The following SREBF2 variants were observed in gnomAD, a reference collection of about 807,000 sequenced individuals.
SREBF2 encodes the protein sterol regulatory element-binding protein 2.
A neutral mutation model predicts 113.1 loss-of-function variants in SREBF2; 55 were observed. The ratio of observed to expected loss-of-function variants is 0.49; its 90% CI spans 0.39 to 0.61. The LOEUF is 0.61. Among genes scored for constraint, SREBF2 ranks in the 20% least tolerant of loss-of-function variants. SREBF2 has a pLI of 0.00. For synonymous variants in SREBF2, 593 were observed against 605.7 expected, an observed-to-expected ratio of 0.98 and a Z score of 0.31; for missense variants, 1,349 against 1,487.4, an observed-to-expected ratio of 0.91 and a Z score of 1.53.
At chr22:41,863,701 G>A (rs1310986079) in intron 1 of SREBF2, among the ~76,000 whole-genome samples, 1 of 152,064 alleles carries the variant, frequency 6.6e-6, no homozygotes, top group African/African-American at 2.4e-5. Context: ...CAAGATGTTG[G>A]TAAATAATAC....
rs573962267 is a variant in SREBF2, at chr22:41,842,831, A to G, written c.88+9473A>G. Among the ~76,000 whole-genome samples, 6 of 152,306 alleles carry G rather than the reference A, an allele frequency of 3.9e-5. 1 individual carries two copies. The South Asian group carries it at 1.2e-3, about 32-fold the overall frequency. On this transcript the variant is annotated intron_variant, in intron 1 of 18. Coordinates refer to ENST00000361204, the MANE Select transcript of SREBF2 (RefSeq NM_004599.4). ...GGTGAAACCCTGTCTCGACTAAAAA[A>G]TACAAAAAATTAGCCGGGCGTGGTG...
At chr22:41,893,619 G>T (rs2077384912) in intron 12 of SREBF2, among the ~76,000 whole-genome samples, 1 of 152,134 alleles carries the variant, frequency 6.6e-6, no homozygotes, top group Non-Finnish European at 1.5e-5. Flanking sequence ...GCACTTTGGA[G>T]ACACAAAGGA....
rs542042334 is a variant in SREBF2, at chr22:41,877,309, C to T, written c.1467C>T (p.Phe489=). Residue 489 remains phenylalanine (F), a synonymous_variant, in exon 8 of 19, where the codon TTC becomes TTT. Transcript: ENST00000361204. The part of the protein sequence containing the change: ...RSRILLCVLT[F]LCLSFNPLTS... ...GGATTCTTCTGTGTGTCCTCACCTT[C>T]CTGTGCCTCTCCTTTAACCCCCTGA... 3 of 1,614,250 alleles carry T rather than the reference C, an allele frequency of 1.9e-6. No individual in the cohort carries two copies. Among genetic ancestry groups the T allele is most frequent in the East Asian group, 2.2e-5 (1 of 44,884 alleles).
Position 41,834,589 on chromosome 22 carries a change from T to G in SREBF2, c.88+1231T>G, listed in dbSNP as rs998940842. 2.0e-5 allele frequency: 3 copies of G among 152,704 alleles called. No individual in the cohort carries two copies. In the East Asian group the frequency reaches 5.8e-4, roughly 29 times the overall value. The allele number at this position is 152,704 out of a possible 1,614,324, so 9.5% of individuals were successfully genotyped here. On this transcript the variant is annotated intron_variant, in intron 1 of 18. Transcript: ENST00000361204. ...ATGAAGAAGCAGAAGCAGCAGAAGATTCTCTTTTGGGGGAAGAGATAAATG... is the reference window on the plus strand; with the variant it reads ...ATGAAGAAGCAGAAGCAGCAGAAGAGTCTCTTTTGGGGGAAGAGATAAATG...
intron 16 of SREBF2, among the ~76,000 whole-genome samples, chr22:41,902,030 C>T (rs967835330): frequency 2.4e-4 from 36 of 152,238 alleles, no homozygotes; most frequent in Admixed American, 3.3e-4. Context: ...TCCACATCCC[C>T]TTGAAGCACA....
chr22:41,848,663 G>T (rs1377442632), intron 1 of SREBF2, among the ~76,000 whole-genome samples: 1 of 152,120 alleles, frequency 6.6e-6, no homozygotes. Context: ...AACTTGTGGA[G>T]CAGGGTGCTT....
rs201307736 is a variant in SREBF2, at chr22:41,905,533, G to A, written c.3299G>A (p.Gly1100Asp). 5.0e-6 allele frequency: 8 copies of A among 1,588,044 alleles called. No individual in the cohort carries two copies. The highest frequency in any genetic ancestry group is 1.3e-5 in the African/African-American group (1 of 74,462). ...HLPLSFLSSPGQRAVLLAEAA... is the reference protein window; with the variant it reads ...HLPLSFLSSPDQRAVLLAEAA... ...CCCCTCTCCTTCCTCTCCTCCCCGGGCCAGCGGGCAGTGCTGCTGGCCGAA... is the reference window on the plus strand; with the variant it reads ...CCCCTCTCCTTCCTCTCCTCCCCGGACCAGCGGGCAGTGCTGCTGGCCGAA... Residue 1100 changes from glycine (G) to aspartate (D), a missense_variant, in exon 19 of 19, where the codon GGC becomes GAC. Transcript: ENST00000361204.
At chr22:41,854,125 GT>G (rs2076956416) in intron 1 of SREBF2, among the ~76,000 whole-genome samples, 1 of 147,116 alleles carries the variant, frequency 6.8e-6, no homozygotes, top group Admixed American at 7.5e-5. Context: ...GTCAGTGCCA[GT>G]TTTTTTGTTG....
At position 41,906,120 on chromosome 22, in the gene SREBF2, T is replaced by G; in HGVS notation, c.*460T>G. ...TTTTTATACGAATGTTTTCTACCAGTGTGCTTGGGTTTGCCATGATGCGAG... is the reference window on the plus strand; with the variant it reads ...TTTTTATACGAATGTTTTCTACCAGGGTGCTTGGGTTTGCCATGATGCGAG... On this transcript the variant is annotated 3_prime_UTR_variant, in exon 19 of 19. Coordinates refer to ENST00000361204, the MANE Select transcript of SREBF2 (RefSeq NM_004599.4). 2 of 404,470 alleles carry G rather than the reference T, an allele frequency of 4.9e-6. No individual in the cohort carries two copies. The highest frequency in any genetic ancestry group is 3.6e-5 in the South Asian group (2 of 54,936). 25.1% of individuals were successfully genotyped at this position (404,470 alleles called of 1,614,324 possible). A position where few individuals can be genotyped will look rare whatever the true frequency, so the allele number is the denominator to read the frequency against.
chr22:41,903,330 C>T (rs1569413080), intron 17 of SREBF2, among the ~76,000 whole-genome samples, 175 bp downstream of exon 17: 1 of 152,270 alleles, frequency 6.6e-6, no homozygotes, highest in African/African-American at 2.4e-5. Context: ...CCATGTGTCC[C>T]TGTGTTCAGC....
At chr22:41,837,873 AAAGAAAG>A (rs1315388446) in intron 1 of SREBF2, among the ~76,000 whole-genome samples, 1 of 151,150 alleles carries the variant, frequency 6.6e-6, no homozygotes, top group Non-Finnish European at 1.5e-5. Context: ...AAAAAAAAAA[AAAGAAAG>A]AAAGAAAGAA....
chr22:41,842,955 A>T (rs2076843095), intron 1 of SREBF2, among the ~76,000 whole-genome samples: 1 of 151,848 alleles, frequency 6.6e-6, no homozygotes, highest in East Asian at 1.9e-4. Context: ...GCACCACTGT[A>T]TTCTAGCTGG....
chr22:41,852,822 C>G (rs2076944778), intron 1 of SREBF2, among the ~76,000 whole-genome samples: 1 of 136,584 alleles, frequency 7.3e-6, no homozygotes, highest in Non-Finnish European at 1.5e-5. Flanking sequence ...GTGGCACAGT[C>G]TCAGCTCACT....
intron 1 of SREBF2, among the ~76,000 whole-genome samples, chr22:41,862,753 T>C (rs1320116207): frequency 6.6e-6 from 1 of 152,222 alleles, no homozygotes; most frequent in Admixed American, 6.5e-5. Flanking sequence ...GGAGAGGCTC[T>C]GCGTGCCCTT....
rs139432763 is a variant in SREBF2, at chr22:41,877,376, C to T, written c.1534C>T (p.His512Tyr). The change falls in exon 8 of 19, where the codon CAC becomes TAC. Residue 512 changes from histidine to tyrosine, a missense_variant. By Grantham distance (83) the His-to-Tyr change is moderately conservative (BLOSUM62 2). Coordinates refer to ENST00000361204, the MANE Select transcript of SREBF2 (RefSeq NM_004599.4). ...QWGGAHDSDQ[H>Y]PHSGSGRSVL... ...GGGAGGGGCCCACGACTCTGACCAG[C>T]ACCCACACTCAGGCTCTGGCCGCAG... 3.7e-6 allele frequency: 6 copies of T among 1,614,056 alleles called. No individual in the cohort carries two copies. The highest frequency in any genetic ancestry group is 5.1e-6 in the Non-Finnish European group (6 of 1,180,032).
intron 1 of SREBF2, among the ~76,000 whole-genome samples, chr22:41,835,388 G>T (rs1007604905): frequency 6.8e-6 from 1 of 146,448 alleles, no homozygotes; most frequent in Non-Finnish European, 1.5e-5. Flanking sequence ...TCGGCTCACC[G>T]CAACCTCCAC....
rs1242102801 is a variant in SREBF2 at position 41,853,161 on chromosome 22, CCTT to C, written c.89-13666_89-13664del. Among the ~76,000 whole-genome samples the C allele has an allele frequency of 3.3e-5, 5 of 152,304 alleles. No homozygotes were observed. The South Asian group carries it at 8.3e-4, about 25-fold the overall frequency. Reference sequence around the variant, plus strand: ...GCAACTGCTGGGCTGGAGGAGCTCTCCTTCTTAGAGCATTGTGGGACAACTTGC... The same window carrying C: ...GCAACTGCTGGGCTGGAGGAGCTCTCCTTAGAGCATTGTGGGACAACTTGC... On this transcript the variant is annotated intron_variant, in intron 1 of 18. Coordinates refer to ENST00000361204, the MANE Select transcript of SREBF2 (RefSeq NM_004599.4).
chr22:41,870,396 G>T (rs2077128544), intron 3 of SREBF2, among the ~76,000 whole-genome samples: 2 of 152,100 alleles, frequency 1.3e-5, no homozygotes, highest in Admixed American at 1.3e-4. Flanking sequence ...GGCTGAGGCA[G>T]GTGGATTTCT....
chr22:41,883,631 C>T (rs1477170073), intron 10 of SREBF2, among the ~76,000 whole-genome samples: 2 of 152,198 alleles, frequency 1.3e-5, no homozygotes, highest in Non-Finnish European at 2.9e-5. Flanking sequence ...ACAGAGGTAA[C>T]TACAGTATGG....
Sources: allele counts gnomAD v4.1 joint callset (sites outside exome capture counted in the v4.1 genomes callset), GRCh38; gene constraint gnomAD v4.1.1; transcripts MANE v1.5; gene names NCBI Gene and HGNC (gene_info 2026-07-23, HGNC 2026-07-21).